COA7: variants seen among roughly 807,000 people sequenced by gnomAD.
The protein encoded by COA7 is Sel1 repeat containing 1.
COA7 carries 12 observed loss-of-function variants against 21.0 expected under a neutral mutation model. The ratio of observed to expected loss-of-function variants is 0.57; its 90% CI spans 0.37 to 0.92. The LOEUF is 0.92. Ranked by LOEUF, COA7 falls within the 40% of genes least tolerant of loss-of-function variation. The pLI, the probability that COA7 is intolerant of heterozygous loss-of-function variation, is 0.01. For missense variants in COA7, 240 were observed against 286.1 expected (o/e 0.84, Z 1.16); for synonymous variants, 95 against 107.4 (o/e 0.88, Z 0.72).
At chr1:52,688,242 G>A in intron 2 of COA7, 74 bp from the exon 3 acceptor site, 6 of 1,198,034 alleles carry the variant, frequency 5.0e-6, no homozygotes, top group Admixed American at 2.7e-5. Context: ...CAAAGTCAGT[G>A]AATTTTTTTT....
rs137952140 is a variant in COA7, at chr1:52,687,795, G to A, written c.621C>T (p.Ala207=). 3.3e-5 allele frequency: 54 copies of A among 1,614,084 alleles called. No individual in the cohort carries two copies. In the Admixed American group the frequency reaches 3.7e-4, roughly 11 times the overall value. ...GCTGGGCTCGATTTTTTAGCACCTC[G>A]GCCTTGGCCTCATCCTTATCAACAC... ...GDGVDKDEAK[A]EVLKNRAQQL... is the part of the protein sequence containing the mutation. Residue 207 remains alanine, a synonymous_variant, in exon 3 of 3, where the codon GCC becomes GCT. Coordinates refer to ENST00000371538, the MANE Select transcript of COA7 (RefSeq NM_023077.3).
chr1:52,692,871 C>A lies in COA7; in HGVS notation c.107-4G>T. On this transcript the variant is annotated splice_polypyrimidine_tract_variant and splice_region_variant and intron_variant, in intron 1 of 2. Transcript: ENST00000371538. The stretch of plus-strand genomic sequence containing the variant: ...TAGTCCACCAGCCGATAGCAACCTG[C>A]GAGAAGAGGGCAAGGGTTGTTCTTC... 1.2e-6 allele frequency: 2 copies of A among 1,614,042 alleles called. No individual in the cohort carries two copies.
At chr1:52,696,908 G>A (rs1282850181) in intron 1 of COA7, among the ~76,000 whole-genome samples, 1 of 151,828 alleles carries the variant, frequency 6.6e-6, no homozygotes, top group Non-Finnish European at 1.5e-5. Flanking sequence ...TCAGGAGTTC[G>A]AGACCAGCCT....
chr1:52,693,986 G>T (rs541071175), intron 1 of COA7, among the ~76,000 whole-genome samples: 3 of 152,264 alleles, frequency 2.0e-5, no homozygotes, highest in Admixed American at 2.0e-4. Flanking sequence ...TATTCAAACA[G>T]TAATAAATGT....
chr1:52,696,549 G>C (rs886156120), intron 1 of COA7, among the ~76,000 whole-genome samples: 2 of 152,116 alleles, frequency 1.3e-5, no homozygotes, highest in African/African-American at 4.8e-5. Context: ...GTATATGGTT[G>C]TGTTATGGTC....
rs981951104 is a variant in COA7, at chr1:52,684,602, T to C, written c.*3118A>G. On this transcript the variant is annotated 3_prime_UTR_variant, in exon 3 of 3. Transcript: ENST00000371538. ...CACCAAAGAGGTACATTTGCAGTAA[T>C]TGATGAACCTACACTGACACATCAT... 6.6e-6 allele frequency: 1 copy of C among 152,186 alleles called. No homozygotes were observed. The highest frequency in any genetic ancestry group is 1.5e-5 in the Non-Finnish European group (1 of 68,042). The allele number at this position is 152,186 out of a possible 1,614,324, so 9.4% of individuals were successfully genotyped here.
At position 52,687,897 on chromosome 1, in the gene COA7, T is replaced by C; in HGVS notation, c.519A>G (p.Lys173=). ...GFPKDMDLAC[K]YSMKACDLGH... ...CCAGGTCACAGGCTTTCATGGAGTA[T>C]TTACATGCCAGGTCCATGTCCTTGG... Residue 173 remains lysine (K), a synonymous_variant, in exon 3 of 3, where the codon AAA becomes AAG. Transcript: ENST00000371538. 1.9e-6 allele frequency: 3 copies of C among 1,614,196 alleles called. No homozygotes were observed. The highest frequency in any genetic ancestry group is 1.1e-5 in the South Asian group (1 of 91,086).
rs763766798 is a variant in COA7 at position 52,696,331 on chromosome 1, G to A, written c.106+1890C>T. ...TGGGATTACAGGCGCATGCCACCACGTCCGGCTAATTTTTGTATTTTTAGT... is the reference window on the plus strand; with the variant it reads ...TGGGATTACAGGCGCATGCCACCACATCCGGCTAATTTTTGTATTTTTAGT... On this transcript the variant is annotated intron_variant, in intron 1 of 2. Coordinates refer to ENST00000371538, the MANE Select transcript of COA7 (RefSeq NM_023077.3). Among the ~76,000 whole-genome samples, 25 of 152,056 alleles carry A rather than the reference G, an allele frequency of 1.6e-4. 1 individual carries two copies. Among genetic ancestry groups the A allele is most frequent in the Non-Finnish European group, 3.1e-4 (21 of 68,006 alleles).
rs185431988 is a variant in COA7, at chr1:52,684,835, C to T, written c.*2885G>A. ...ACTGTCTCCATAGTTTTGCCTTTTC[C>T]AGAATACATCCCAGTGTCATATAGT... On this transcript the variant is annotated 3_prime_UTR_variant, in exon 3 of 3. Transcript: ENST00000371538. The T allele has an allele frequency of 3.9e-5, 6 of 152,058 alleles. No individual in the cohort carries two copies. The highest frequency in any genetic ancestry group is 1.4e-4 in the African/African-American group (6 of 41,478). 9.4% of individuals were successfully genotyped at this position (152,058 alleles called of 1,614,324 possible). A position where few individuals can be genotyped will look rare whatever the true frequency, so the allele number is the denominator to read the frequency against.
In COA7 at chr1:52,687,344, A is replaced by G. The variant is rs1571716302; in HGVS notation, c.*376T>C. The stretch of plus-strand genomic sequence containing the variant: ...TAGGCCCCGGGGCTGCTAATTTTTC[A>G]AACTTCCTGCTATCCTCCCTTCCCT... On this transcript the variant is annotated 3_prime_UTR_variant, in exon 3 of 3. Coordinates refer to ENST00000371538, the MANE Select transcript of COA7 (RefSeq NM_023077.3). The G allele has an allele frequency of 5.0e-6, 1 of 200,078 alleles. No homozygotes were observed. The highest frequency in any genetic ancestry group is 1.1e-4 in the East Asian group (1 of 8,816). 12.4% of individuals were successfully genotyped at this position (200,078 alleles called of 1,614,324 possible).
At chr1:52,689,749 G>C (rs974798053) in intron 2 of COA7, among the ~76,000 whole-genome samples, 1 of 151,782 alleles carries the variant, frequency 6.6e-6, no homozygotes, top group Non-Finnish European at 1.5e-5. Context: ...AATCAGGCTG[G>C]GCGCGGTGGC....
chr1:52,688,238 C>A, intron 2 of COA7, 70 bp from the exon 3 acceptor site: 5 of 1,274,370 alleles, frequency 3.9e-6, no homozygotes, highest in South Asian at 1.5e-5. Flanking sequence ...AGGCCAAAGT[C>A]AGTGAATTTT....
chr1:52,698,102 C>T (rs1644097920), intron 1 of COA7, 119 bp downstream of exon 1: 1 of 755,608 alleles, frequency 1.3e-6, no homozygotes. Flanking sequence ...CCGCGATCCA[C>T]AGACCCCGTC....
intron 2 of COA7, among the ~76,000 whole-genome samples, chr1:52,690,308 T>C (rs1057375637): frequency 4.6e-5 from 7 of 152,086 alleles, no homozygotes; most frequent in African/African-American, 1.7e-4. Context: ...TTTAACATTA[T>C]TCTTTTAAGT....
chr1:52,692,055 A>T (rs1287975284), intron 2 of COA7, among the ~76,000 whole-genome samples: 3 of 152,200 alleles, frequency 2.0e-5, no homozygotes, highest in Non-Finnish European at 4.4e-5. Context: ...TCCCAATAAC[A>T]GCTGGTAAGG....
In COA7 at chr1:52,686,668, A is replaced by ATCTCC. The variant is rs1558102013; in HGVS notation, c.*1051_*1052insGGAGA. 3 of 152,036 alleles carry ATCTCC rather than the reference A, an allele frequency of 2.0e-5. No homozygotes were observed. The highest frequency in any genetic ancestry group is 7.3e-5 in the African/African-American group (3 of 41,356). The allele number at this position is 152,036 out of a possible 1,614,324, so 9.4% of individuals were successfully genotyped here. A position where few individuals can be genotyped will look rare whatever the true frequency, so the allele number is the denominator to read the frequency against. The stretch of plus-strand genomic sequence containing the variant: ...TTTCCCCGTGTTAGCCAGGATGGTC[A>ATCTCC]TGATCTCCTGATCTCGTGATCCACC... On this transcript the variant is annotated 3_prime_UTR_variant, in exon 3 of 3. Coordinates refer to ENST00000371538, the MANE Select transcript of COA7 (RefSeq NM_023077.3).
chr1:52,686,155 C>G lies in COA7; in HGVS notation c.*1565G>C, dbSNP rs1644001152. On this transcript the variant is annotated 3_prime_UTR_variant, in exon 3 of 3. Transcript: ENST00000371538. The stretch of plus-strand genomic sequence containing the variant: ...TGCTAGGATTACAGGCATGAGCCAC[C>G]ACGCCTGGCCTGACCTAGTTTAAGC... The G allele has an allele frequency of 1.3e-5, 2 of 152,136 alleles. No homozygotes were observed. The highest frequency in any genetic ancestry group is 6.6e-5 in the Admixed American group (1 of 15,266). The allele number at this position is 152,136 out of a possible 1,614,324, so 9.4% of individuals were successfully genotyped here. A position where few individuals can be genotyped will look rare whatever the true frequency, so the allele number is the denominator to read the frequency against.
intron 2 of COA7, 76 bp from the exon 3 acceptor site, chr1:52,688,244 A>ATTTTT: frequency 1.0e-6 from 1 of 988,232 alleles, no homozygotes; most frequent in Non-Finnish European, 1.4e-6. Context: ...AAGTCAGTGA[A>ATTTTT]TTTTTTTTTT....
intron 2 of COA7, among the ~76,000 whole-genome samples, chr1:52,691,311 G>A (rs1331670952): frequency 6.6e-6 from 1 of 151,914 alleles, no homozygotes; most frequent in Non-Finnish European, 1.5e-5. Context: ...CCACTGGGGA[G>A]GCTGAGGCAG....
Sources: gnomAD v4.1 joint callset for allele counts (sites outside exome capture counted in the v4.1 genomes callset) on GRCh38, gnomAD v4.1.1 for gene constraint, MANE v1.5 for transcripts, NCBI Gene and HGNC (gene_info 2026-07-23, HGNC 2026-07-21) for gene names.